Variants in IQCE observed in about 807,000 individuals in gnomAD.
IQCE encodes the protein IQ motif containing E, also known as IQ domain-containing protein E.
In IQCE, 115 loss-of-function variants were observed where a neutral mutation model predicts 96.0. That is an observed-to-expected ratio of 1.20 (90% confidence interval 1.03 to 1.40). IQCE has a LOEUF of 1.40. IQCE is among the 40% of genes most tolerant of loss of function. The probability of loss-of-function intolerance (pLI) is 0.00; values close to 1 mark genes in which losing one functional copy is unlikely to be tolerated. For missense variants in IQCE, 1,041 were observed against 909.1 expected, an observed-to-expected ratio of 1.15 and a Z score of -1.87; for synonymous variants, 412 against 371.2, an observed-to-expected ratio of 1.11 and a Z score of -1.26.
chr7:2,593,643 G>A lies in IQCE; in HGVS notation c.1349+517G>A, dbSNP rs76900040. ...CAAAGAAAGCCAGGCACAAAAGGCC[G>A]CGTAGCACACGATTCCTTGCGCAGG... On this transcript the variant is annotated intron_variant, in intron 15 of 21. Coordinates refer to ENST00000402050, the MANE Select transcript of IQCE (RefSeq NM_152558.5). 1.6e-3 allele frequency among the ~76,000 whole-genome samples: 244 copies of A among 152,368 alleles called. 1 individual carries two copies. The highest frequency in any genetic ancestry group is 5.3e-3 in the African/African-American group (222 of 41,592).
Position 2,573,454 on chromosome 7 carries a change from A to C in IQCE, c.431A>C (p.Glu144Ala), listed in dbSNP as rs746385933. 1 of 1,546,546 alleles carries C rather than the reference A, an allele frequency of 6.5e-7. No individual in the cohort carries two copies. Among genetic ancestry groups the C allele is most frequent in the South Asian group, 1.1e-5 (1 of 89,100 alleles). ...VPGTPVYREK[E>A]DMYDEIIELK... ...GGGACTCCTGTCTACAGAGAAAAAG[A>C]AGATATGTATGACGAGATTATTGAG... Residue 144 changes from glutamate to alanine, a missense_variant, in exon 6 of 22, where the codon GAA becomes GCA. Transcript: ENST00000402050.
intron 18 of IQCE, among the ~76,000 whole-genome samples, chr7:2,604,357 T>G (rs1784641644): frequency 6.6e-6 from 1 of 152,124 alleles, no homozygotes; most frequent in African/African-American, 2.4e-5. Flanking sequence ...GTGATCACCC[T>G]GCCTCAGCCT....
intron 5 of IQCE, 49 bp downstream of exon 5, chr7:2,572,375 G>T: frequency 1.3e-6 from 2 of 1,589,362 alleles, no homozygotes; most frequent in Non-Finnish European, 1.7e-6. Flanking sequence ...GAGCAGAAAG[G>T]AAAGGACAGT....
chr7:2,584,519 G>T (rs1017426191), intron 11 of IQCE: 8 of 535,448 alleles, frequency 1.5e-5, no homozygotes, highest in Non-Finnish European at 2.7e-5. Context: ...AATGCCGCCC[G>T]TGTTCGTTAT....
chr7:2,601,722 G>T, intron 18 of IQCE: 1 of 416,544 alleles, frequency 2.4e-6, no homozygotes. Context: ...GCTAATTTTT[G>T]TATTTTTAGG....
At chr7:2,579,914 G>A (rs557252477) in intron 8 of IQCE, among the ~76,000 whole-genome samples, 154 of 145,720 alleles carry the variant, frequency 1.1e-3, no homozygotes, top group African/African-American at 3.2e-3. Flanking sequence ...ACCACAGGCA[G>A]CTAATTTTTT....
intron 19 of IQCE, among the ~76,000 whole-genome samples, chr7:2,605,497 G>A (rs1004859693): frequency 5.9e-5 from 9 of 152,186 alleles, no homozygotes; most frequent in Admixed American, 2.0e-4. Flanking sequence ...GCGGGCGCCC[G>A]CAGTCCCAGC....
At chr7:2,559,363 T>G in intron 1 of IQCE, 146 bp downstream of exon 1, 1 of 370,988 alleles carries the variant, frequency 2.7e-6, no homozygotes. Flanking sequence ...GCCATTATTG[T>G]TACCGCACAA....
rs758603526 is a variant in IQCE, at chr7:2,604,933, T to C, written c.1685T>C (p.Leu562Pro). The C allele has an allele frequency of 6.2e-7, 1 of 1,613,668 alleles. No individual in the cohort carries two copies. Among genetic ancestry groups the C allele is most frequent in the Non-Finnish European group, 8.5e-7 (1 of 1,179,960 alleles). ...AGGGGACATCTCACGCGGACAAAGCTCTTAGCAAGCAAAGCACATGGCTCA... is the reference window on the plus strand; with the variant it reads ...AGGGGACATCTCACGCGGACAAAGCCCTTAGCAAGCAAAGCACATGGCTCA... ...AFRGHLTRTK[L>P]LASKAHGSEP... The change falls in exon 19 of 22, where the codon CTC (leucine) becomes CCC (proline). Residue 562 changes from leucine (L) to proline (P), a missense_variant. By Grantham distance (98) the Leu-to-Pro change is moderately conservative (BLOSUM62 -3). Coordinates refer to ENST00000402050, the MANE Select transcript of IQCE (RefSeq NM_152558.5).
intron 1 of IQCE, among the ~76,000 whole-genome samples, chr7:2,564,456 G>T (rs920727771): frequency 1.3e-5 from 2 of 151,844 alleles, no homozygotes; most frequent in African/African-American, 4.8e-5. Context: ...ACAATTATCC[G>T]GGCGTGGTGG....
rs528776908 is a variant in IQCE at position 2,567,454 on chromosome 7, C to G, written c.84+291C>G. Among the ~76,000 whole-genome samples the G allele has an allele frequency of 1.5e-4, 23 of 152,384 alleles. No homozygotes were observed. In the East Asian group the frequency reaches 4.4e-3, roughly 29 times the overall value. ...TTGCCCTGCACCCCACGCCCTCATC[C>G]TGACACTTGAGGGGAGGAGGAGAGC... On this transcript the variant is annotated intron_variant, in intron 2 of 21. Coordinates refer to ENST00000402050, the MANE Select transcript of IQCE (RefSeq NM_152558.5).
At chr7:2,567,279 T>TATGCATTCCA in intron 2 of IQCE, 116 bp downstream of exon 2, 4 of 805,214 alleles carry the variant, frequency 5.0e-6, no homozygotes, top group Non-Finnish European at 6.3e-6. Context: ...AGAGCTGGAA[T>TATGCATTCCA]GCATATTCCG....
At chr7:2,586,076 A>G (rs554358611) in intron 11 of IQCE, 132 bp from the exon 12 acceptor site, 95 of 768,960 alleles carry the variant, frequency 1.2e-4, no homozygotes, top group Admixed American at 5.1e-4. Context: ...TTCGATTTCA[A>G]ATACTCACCT....
chr7:2,593,374 C>T (rs984595703), intron 15 of IQCE, among the ~76,000 whole-genome samples: 79 of 152,378 alleles, frequency 5.2e-4, no homozygotes, highest in Non-Finnish European at 1.5e-5. Flanking sequence ...CCAGCACCTG[C>T]CCCTTCCCAA....
At chr7:2,602,298 G>A (rs1335508668) in intron 18 of IQCE, among the ~76,000 whole-genome samples, 2 of 152,250 alleles carry the variant, frequency 1.3e-5, no homozygotes, top group Middle Eastern at 3.2e-3. Context: ...GTCACCCACA[G>A]CTGAGAACTG....
chr7:2,609,533 G>C (rs1785017968), intron 21 of IQCE, among the ~76,000 whole-genome samples: 1 of 152,204 alleles, frequency 6.6e-6, no homozygotes, highest in Non-Finnish European at 1.5e-5. Flanking sequence ...AATGACTCCA[G>C]TGTGGACTCG....
intron 12 of IQCE, among the ~76,000 whole-genome samples, chr7:2,587,424 A>G (rs1048811516): frequency 4.0e-5 from 6 of 151,300 alleles, no homozygotes; most frequent in African/African-American, 1.5e-4. Context: ...GGCGAGGGGC[A>G]GCCAGCGAGG....
chr7:2,567,872 C>T (rs1177152576), intron 2 of IQCE, among the ~76,000 whole-genome samples: 1 of 152,172 alleles, frequency 6.6e-6, no homozygotes, highest in East Asian at 1.9e-4. Flanking sequence ...AAGGATTTTC[C>T]CTCCATGTCA....
At chr7:2,594,744 G>A (rs1783886462) in intron 15 of IQCE, 142 bp from the exon 16 acceptor site, 2 of 686,216 alleles carry the variant, frequency 2.9e-6, no homozygotes, top group African/African-American at 1.8e-5. Flanking sequence ...TGTGGCTCAG[G>A]GAGACATGGC....
Sources: gnomAD v4.1 joint callset for allele counts (sites outside exome capture counted in the v4.1 genomes callset) on GRCh38, gnomAD v4.1.1 for gene constraint, MANE v1.5 for transcripts, NCBI Gene and HGNC (gene_info 2026-07-23, HGNC 2026-07-21) for gene names.